ADGRA2: variants seen among roughly 807,000 people sequenced by gnomAD.
ADGRA2 encodes adhesion G protein-coupled receptor A2.
ADGRA2 carries 61 observed loss-of-function variants against 98.7 expected under a neutral mutation model. That is an observed-to-expected ratio of 0.62 (90% CI 0.50 to 0.76). ADGRA2 has a LOEUF of 0.76. Ranked by LOEUF, ADGRA2 falls within the 30% of genes least tolerant of loss-of-function variation. The pLI is 0.00. For missense variants in ADGRA2, 1,712 were observed against 1,860.0 expected (o/e 0.92, Z 1.46); for synonymous variants, 858 against 831.5 (o/e 1.03, Z -0.55).
chr8:37,797,374 G>A lies in ADGRA2; in HGVS notation c.106G>A (p.Gly36Ser). The change falls in exon 1 of 19, where the codon GGC becomes AGC. Residue 36 changes from glycine (G) to serine (S), a missense_variant. Physicochemically the swap from Gly to Ser is moderately conservative, Grantham distance 56. Coordinates refer to ENST00000412232, the MANE Select transcript of ADGRA2 (RefSeq NM_032777.10). This position sits in a 1 kb window ranked among gnomAD's most constrained non-coding sequence, Gnocchi z 5.3. ...GGCGCCCGAGGCTCGGGGCGCGCCC[G>A]GCTGCCCGCTATCCATCCGCAGCTG... Reference protein sequence around the residue: ...LLAPEARGAPGCPLSIRSCKC... With the variant: ...LLAPEARGAPSCPLSIRSCKC... 6 of 1,425,878 alleles carry A rather than the reference G, an allele frequency of 4.2e-6. No homozygotes were observed. The highest frequency in any genetic ancestry group is 5.5e-6 in the Non-Finnish European group (6 of 1,090,510). 88.3% of individuals were successfully genotyped at this position (1,425,878 alleles called of 1,614,324 possible).
intron 4 of ADGRA2, 57 bp downstream of exon 4, chr8:37,829,389 CA>C: frequency 6.4e-7 from 1 of 1,553,428 alleles, no homozygotes; most frequent in Non-Finnish European, 8.9e-7. Context: ...GCATAGGAAG[CA>C]AAATGTGGCC....
Position 37,832,207 on chromosome 8 carries a change from C to G in ADGRA2, c.1097+620C>G, listed in dbSNP as rs534417782. Reference sequence around the variant, plus strand: ...CTCCCCGGTAGCTGGCCTGTGCCACCATGCCCAGCTAATTTTTGTATTTTC... The same window carrying G: ...CTCCCCGGTAGCTGGCCTGTGCCACGATGCCCAGCTAATTTTTGTATTTTC... On this transcript the variant is annotated intron_variant, in intron 8 of 18. Transcript: ENST00000412232. Among the ~76,000 whole-genome samples the G allele has an allele frequency of 8.9e-4, 136 of 151,986 alleles. 2 individuals are homozygous for G. The highest frequency in any genetic ancestry group is 2.2e-4 in the Non-Finnish European group (15 of 68,018).
intron 2 of ADGRA2, among the ~76,000 whole-genome samples, chr8:37,822,124 T>A (rs1805144325): frequency 6.6e-6 from 1 of 152,112 alleles, no homozygotes; most frequent in Non-Finnish European, 1.5e-5. Context: ...CTGTGGATTG[T>A]TATCAGAGAC....
chr8:37,833,488 C>T (rs1272646948), intron 9 of ADGRA2, among the ~76,000 whole-genome samples, 200 bp from the exon 10 acceptor site: 1 of 152,246 alleles, frequency 6.6e-6, no homozygotes, highest in Non-Finnish European at 1.5e-5. Flanking sequence ...ACTGTCCTTA[C>T]ACCAGGGGTG....
chr8:37,829,455 G>C (rs536422621), intron 4 of ADGRA2, 33 bp from the exon 5 acceptor site: 31 of 1,585,044 alleles, frequency 2.0e-5, no homozygotes, highest in Non-Finnish European at 2.6e-5. Flanking sequence ...GACACCCTAA[G>C]ACCCCATCTC....
In ADGRA2 at chr8:37,830,566, T is replaced by A; in HGVS notation, c.719-144T>A. 1 of 630,944 alleles carries A rather than the reference T, an allele frequency of 1.6e-6. No homozygotes were observed. Among genetic ancestry groups the A allele is most frequent in the Non-Finnish European group, 2.8e-6 (1 of 356,048 alleles). The allele number at this position is 630,944 out of a possible 1,614,324, so 39.1% of individuals were successfully genotyped here. ...TACCCTTACCCCTAGAGACTTTCTC[T>A]TGACCCCTTTTCCTTCCCAGCTGGA... is the stretch of plus-strand genomic sequence containing the variant. On this transcript the variant is annotated intron_variant, in intron 6 of 18. Transcript: ENST00000412232. This position sits in a 1 kb window ranked among gnomAD's most constrained non-coding sequence, Gnocchi z 4.8.
chr8:37,837,901 C>T lies in ADGRA2; in HGVS notation c.2221C>T (p.Leu741=), dbSNP rs1359816181. Residue 741 remains leucine, a synonymous_variant, in exon 14 of 19, where the codon CTG becomes TTG. Transcript: ENST00000412232. ...LRSSQPNVSA[L]HCQHLGNVAV... is the part of the protein sequence containing the mutation. The stretch of plus-strand genomic sequence containing the variant: ...CTCCAGCCAGCCCAATGTCAGCGCC[C>T]TGCACTGCCAGCACTTGGGCAATGT... 6.8e-7 allele frequency: 1 copy of T among 1,475,226 alleles called. No homozygotes were observed. The highest frequency in any genetic ancestry group is 2.5e-5 in the East Asian group (1 of 40,762). 91.4% of individuals were successfully genotyped at this position (1,475,226 alleles called of 1,614,324 possible). A position where few individuals can be genotyped will look rare whatever the true frequency, so the allele number is the denominator to read the frequency against.
intron 1 of ADGRA2, among the ~76,000 whole-genome samples, chr8:37,805,374 T>A (rs1804629195): frequency 6.6e-6 from 1 of 152,174 alleles, no homozygotes; most frequent in Admixed American, 6.5e-5. Flanking sequence ...GGAGGAAAGG[T>A]CAAAGATGAG....
At position 37,844,600 on chromosome 8, in the gene ADGRA2, T is replaced by C; in HGVS notation, c.*2245T>C. The C allele has an allele frequency of 1.2e-6, 2 of 1,614,082 alleles. No individual in the cohort carries two copies. Among genetic ancestry groups the C allele is most frequent in the Non-Finnish European group, 1.7e-6 (2 of 1,179,992 alleles). On this transcript the variant is annotated 3_prime_UTR_variant, in exon 19 of 19. Transcript: ENST00000412232. ...TACTGTTCTATTTCACTATCAGAAATGTTCTCATCTCCAGTGACAGTGGAG... is the reference window on the plus strand; with the variant it reads ...TACTGTTCTATTTCACTATCAGAAACGTTCTCATCTCCAGTGACAGTGGAG...
rs537952463 is a variant in ADGRA2 at position 37,833,748 on chromosome 8, G to A, written c.1357G>A (p.Glu453Lys). ...LAHQLRVYTAEAASFSDMMDV... is the reference protein window; with the variant it reads ...LAHQLRVYTAKAASFSDMMDV... ...TCACCAGCTGCGCGTGTACACAGCC[G>A]AGGCCGCTAGCTTTTCAGACATGAT... Residue 453 changes from glutamate (E) to lysine (K), a missense_variant, in exon 10 of 19, where the codon GAG becomes AAG. Physicochemically the swap from Glu to Lys is moderately conservative, Grantham distance 56. Transcript: ENST00000412232. 5 of 1,614,166 alleles carry A rather than the reference G, an allele frequency of 3.1e-6. No homozygotes were observed. In the Admixed American group the frequency reaches 5.0e-5, roughly 16 times the overall value.
At chr8:37,819,725 C>T (rs1805078910) in intron 2 of ADGRA2, among the ~76,000 whole-genome samples, 1 of 151,512 alleles carries the variant, frequency 6.6e-6, no homozygotes, top group African/African-American at 2.4e-5. Flanking sequence ...GTCTGGAGTG[C>T]AGTGGCACAA....
Position 37,842,097 on chromosome 8 carries a change from C to G in ADGRA2, c.3759C>G (p.Ser1253=). The G allele has an allele frequency of 6.6e-7, 1 of 1,509,926 alleles. No homozygotes were observed. The highest frequency in any genetic ancestry group is 1.2e-5 in the South Asian group (1 of 80,876). The allele number at this position is 1,509,926 out of a possible 1,614,324, so 93.5% of individuals were successfully genotyped here. A position where few individuals can be genotyped will look rare whatever the true frequency, so the allele number is the denominator to read the frequency against. ...QLEGEPMLTP[S]EGSDTSAAPL... ...AAGGCGAGCCCATGCTCACGCCGTC[C>G]GAGGGCAGCGACACCAGCGCCGCGC... Residue 1253 remains serine (S), a synonymous_variant, in exon 19 of 19, where the codon TCC becomes TCG. Transcript: ENST00000412232.
Position 37,810,837 on chromosome 8 carries a change from G to T in ADGRA2, c.267-4059G>T, listed in dbSNP as rs566577477. Reference sequence around the variant, plus strand: ...TTCTCAAAATGAACTTTTAGGCTGGGCGCGGTGGCCGTATCATGCCTGTAA... The same window carrying T: ...TTCTCAAAATGAACTTTTAGGCTGGTCGCGGTGGCCGTATCATGCCTGTAA... On this transcript the variant is annotated intron_variant, in intron 1 of 18. Transcript: ENST00000412232. Among the ~76,000 whole-genome samples, 14 of 152,134 alleles carry T rather than the reference G, an allele frequency of 9.2e-5. No homozygotes were observed. The East Asian group carries it at 2.7e-3, about 30-fold the overall frequency.
At chr8:37,804,100 G>GACAGACACACAC (rs1804581590) in intron 1 of ADGRA2, among the ~76,000 whole-genome samples, 1 of 107,104 alleles carries the variant, frequency 9.3e-6, no homozygotes, top group African/African-American at 3.7e-5. Context: ...CCCACGGTGA[G>GACAGACACACAC]ACACACACAC....
Position 37,833,169 on chromosome 8 carries a change from C to T in ADGRA2, c.1257C>T (p.Tyr419=), listed in dbSNP as rs371443476. ...WEPGDYSHCL[Y]TNDITRVLYT... Reference sequence around the variant, plus strand: ...CAGGGGACTACTCCCACTGTCTCTACACCAACGACATCACCAGGGTGCTGT... The same window carrying T: ...CAGGGGACTACTCCCACTGTCTCTATACCAACGACATCACCAGGGTGCTGT... Residue 419 remains tyrosine, a synonymous_variant, in exon 9 of 19, where the codon TAC becomes TAT. Coordinates refer to ENST00000412232, the MANE Select transcript of ADGRA2 (RefSeq NM_032777.10). 115 of 1,612,978 alleles carry T rather than the reference C, an allele frequency of 7.1e-5. No homozygotes were observed. The highest frequency in any genetic ancestry group is 9.7e-5 in the Non-Finnish European group (114 of 1,179,784).
In ADGRA2 at chr8:37,844,503, G is replaced by A. The variant is rs1563357764; in HGVS notation, c.*2148G>A. 1 of 1,612,976 alleles carries A rather than the reference G, an allele frequency of 6.2e-7. No individual in the cohort carries two copies. Among genetic ancestry groups the A allele is most frequent in the Non-Finnish European group, 8.5e-7 (1 of 1,179,900 alleles). ...AGTGGATATCCATCAGGGAGGGTTA[G>A]GGACACTCGTGGCAGCCTGTCTAGC... On this transcript the variant is annotated 3_prime_UTR_variant, in exon 19 of 19. Coordinates refer to ENST00000412232, the MANE Select transcript of ADGRA2 (RefSeq NM_032777.10).
rs114758101 is a variant in ADGRA2, at chr8:37,837,589, G to A, written c.2051-142G>A. 7.2e-4 allele frequency: 504 copies of A among 701,808 alleles called. 4 individuals are homozygous for A. Among genetic ancestry groups the A allele is most frequent in the African/African-American group, 5.1e-3 (290 of 56,694 alleles). The allele number at this position is 701,808 out of a possible 1,614,324, so 43.5% of individuals were successfully genotyped here. On this transcript the variant is annotated intron_variant, in intron 13 of 18. Transcript: ENST00000412232. ...CTGAGGCTGTCCTTGGCATCTCACC[G>A]CATGCCCCCAGCCCAGCACTGTGCC...
chr8:37,840,856 A>AGGGCCC lies in ADGRA2; in HGVS notation c.2747+7_2747+8insGGGCCC. Reference sequence around the variant, plus strand: ...ACCGGGACCACAGCCCCTAGTGAGCACCCCTCCCTCCCGCCCCAAGCCTAC... The same window carrying AGGGCCC: ...ACCGGGACCACAGCCCCTAGTGAGCAGGGCCCCCCCTCCCTCCCGCCCCAAGCCTAC... On this transcript the variant is annotated splice_region_variant and intron_variant, in intron 18 of 18. Coordinates refer to ENST00000412232, the MANE Select transcript of ADGRA2 (RefSeq NM_032777.10). The AGGGCCC allele has an allele frequency of 1.3e-6, 2 of 1,483,328 alleles. No individual in the cohort carries two copies. The highest frequency in any genetic ancestry group is 1.9e-6 in the Non-Finnish European group (2 of 1,067,510). 91.9% of individuals were successfully genotyped at this position (1,483,328 alleles called of 1,614,324 possible). A position where few individuals can be genotyped will look rare whatever the true frequency, so the allele number is the denominator to read the frequency against.
rs1458625377 is a variant in ADGRA2 at position 37,844,466 on chromosome 8, T to A, written c.*2111T>A. On this transcript the variant is annotated 3_prime_UTR_variant, in exon 19 of 19. Transcript: ENST00000412232. Reference sequence around the variant, plus strand: ...ATGTTATCAAGCTGTCAGAACAGGATGAAGTGCTCCCAGTGGATATCCATC... The same window carrying A: ...ATGTTATCAAGCTGTCAGAACAGGAAGAAGTGCTCCCAGTGGATATCCATC... The A allele has an allele frequency of 6.2e-7, 1 of 1,606,998 alleles. No homozygotes were observed. The highest frequency in any genetic ancestry group is 8.5e-7 in the Non-Finnish European group (1 of 1,176,328).
Sources: allele counts gnomAD v4.1 joint callset (sites outside exome capture counted in the v4.1 genomes callset), GRCh38; gene constraint gnomAD v4.1.1; non-coding constraint Gnocchi (gnomAD v3.1); transcripts MANE v1.5; gene names NCBI Gene and HGNC (gene_info 2026-07-23, HGNC 2026-07-21).